SLAMF9: variants seen among roughly 807,000 people sequenced by gnomAD.
SLAMF9 encodes SLAM family member 9, also known as CD2 family member 10.
In SLAMF9, 25 loss-of-function variants were observed where a neutral mutation model predicts 30.4. The ratio of observed to expected loss-of-function variants is 0.82; its 90% CI spans 0.60 to 1.15. The LOEUF (loss-of-function observed/expected upper bound fraction) is 1.15. SLAMF9 is among the 50% of genes most tolerant of loss of function. The pLI, the probability that SLAMF9 is intolerant of heterozygous loss-of-function variation, is 0.00. For missense variants in SLAMF9, 344 were observed against 346.1 expected (o/e 0.99, Z 0.05); for synonymous variants, 129 against 127.2 (o/e 1.01, Z -0.09).
At chr1:159,974,634 G>T in the SLAMF9 span, among the ~76,000 whole-genome samples, 1 of 152,098 alleles carries the variant, frequency 6.6e-6, no homozygotes, top group African/African-American at 2.4e-5. Flanking sequence ...CCCCAGCAGG[G>T]GCTTCAGTTT....
At chr1:159,977,338 C>G in the SLAMF9 span, among the ~76,000 whole-genome samples, 1 of 152,176 alleles carries the variant, frequency 6.6e-6, no homozygotes, top group Non-Finnish European at 1.5e-5. Flanking sequence ...GAGTTGATAT[C>G]CTTGTAGTTA....
chr1:159,973,184 CA>C, the SLAMF9 span: 17 of 1,504,236 alleles, frequency 1.1e-5, no homozygotes, highest in Non-Finnish European at 1.6e-5. Context: ...AGGCTGACCT[CA>C]GGGGGTGCAG....
the SLAMF9 span, chr1:159,976,977 A>G: frequency 2.0e-4 from 9 of 43,918 alleles, no homozygotes; most frequent in South Asian, 8.4e-4. Flanking sequence ...AAAGAAGGAA[A>G]GAAGGAAAGA....
chr1:159,956,789 A>T (rs1651930530), upstream of SLAMF9, among the ~76,000 whole-genome samples: 1 of 152,166 alleles, frequency 6.6e-6, no homozygotes, highest in African/African-American at 2.4e-5. Flanking sequence ...CAGAAAGACA[A>T]ATACCACATA....
chr1:159,951,620 G>A lies in SLAMF9; in HGVS notation c.*41C>T, dbSNP rs758203661. On this transcript the variant is annotated 3_prime_UTR_variant, in exon 4 of 4. Coordinates refer to ENST00000368093, the MANE Select transcript of SLAMF9 (RefSeq NM_033438.4). Reference sequence around the variant, plus strand: ...GCTGAGGAAGGATTCTCTGGGTGCTGGGAAGAAACCAAGCTCAGGACTGGG... The same window carrying A: ...GCTGAGGAAGGATTCTCTGGGTGCTAGGAAGAAACCAAGCTCAGGACTGGG... The A allele has an allele frequency of 5.8e-5, 92 of 1,588,890 alleles. 2 individuals carry two copies. Among genetic ancestry groups the A allele is most frequent in the South Asian group, 5.3e-4 (48 of 90,122 alleles).
the SLAMF9 span, chr1:159,976,975 A>AAAGAAAG: frequency 2.3e-5 from 1 of 44,388 alleles, no homozygotes; most frequent in Admixed American, 3.2e-4. Flanking sequence ...AGAAAGAAGG[A>AAAGAAAG]AAGAAGGAAA....
chr1:159,951,587 A>G lies in SLAMF9; in HGVS notation c.*74T>C. The G allele has an allele frequency of 1.4e-6, 2 of 1,441,158 alleles. No individual in the cohort carries two copies. The highest frequency in any genetic ancestry group is 2.8e-5 in the African/African-American group (2 of 71,248). The allele number at this position is 1,441,158 out of a possible 1,614,324, so 89.3% of individuals were successfully genotyped here. A position where few individuals can be genotyped will look rare whatever the true frequency, so the allele number is the denominator to read the frequency against. ...CCCTGAGCACCTCCTTCCCCTGGAA[A>G]GAAGAGAGCTGAGGAAGGATTCTCT... On this transcript the variant is annotated 3_prime_UTR_variant, in exon 4 of 4. Transcript: ENST00000368093.
the SLAMF9 span, chr1:159,983,853 T>C: frequency 6.6e-6 from 1 of 152,144 alleles, no homozygotes. Flanking sequence ...GATCTTCAGC[T>C]CTCTCAGGGA....
At chr1:159,968,459 C>A in the SLAMF9 span, among the ~76,000 whole-genome samples, 64 of 152,152 alleles carry the variant, frequency 4.2e-4, no homozygotes, top group African/African-American at 1.5e-3. Flanking sequence ...AAATATTTTC[C>A]ATTATCACAT....
At chr1:159,970,060 A>G in the SLAMF9 span, among the ~76,000 whole-genome samples, 3 of 152,140 alleles carry the variant, frequency 2.0e-5, no homozygotes, top group Admixed American at 1.3e-4. Flanking sequence ...ACACTTCTCA[A>G]TAAATAAATA....
At chr1:159,977,690 T>C in the SLAMF9 span, among the ~76,000 whole-genome samples, 3,957 of 152,190 alleles carry the variant, frequency 0.026, 82 homozygotes, top group Non-Finnish European at 0.039. Context: ...CCCTGAGGCT[T>C]TCTCGCCTAG....
the SLAMF9 span, among the ~76,000 whole-genome samples, chr1:159,966,128 C>T: frequency 6.6e-6 from 1 of 152,296 alleles, no homozygotes; most frequent in African/African-American, 2.4e-5. Flanking sequence ...CCTCCTCTGC[C>T]CACTGCCTCT....
Position 159,953,420 on chromosome 1 carries a change from A to C in SLAMF9, c.280T>G (p.Ser94Ala). The C allele has an allele frequency of 6.2e-7, 1 of 1,614,216 alleles. No individual in the cohort carries two copies. Reference protein sequence around the residue: ...GQVSFLDPSYSLHISNLSWED... With the variant: ...GQVSFLDPSYALHISNLSWED... ...CAGCTCAGATTGCTGATATGCAGGG[A>C]ATAGCTGGGGTCCAGGAAGCTCACT... The change falls in exon 2 of 4, where the codon TCC becomes GCC. Residue 94 changes from serine to alanine, a missense_variant. Coordinates refer to ENST00000368093, the MANE Select transcript of SLAMF9 (RefSeq NM_033438.4).
Position 159,952,395 on chromosome 1 carries a change from AT to A in SLAMF9, c.530del (p.Tyr177LeufsTer72). The A allele has an allele frequency of 6.2e-7, 1 of 1,614,106 alleles. No individual in the cohort carries two copies. Among genetic ancestry groups the A allele is most frequent in the Non-Finnish European group, 8.5e-7 (1 of 1,180,010 alleles). The stretch of plus-strand genomic sequence containing the variant: ...TGAGGACAGGGCCTTCATGGAATGT[AT>A]AAGTGCTATCCCCCCGGGAGAGCCA... Reference protein sequence around the residue: ...YSWLSRGDSTYTFHEGPVLST... With the variant: ...YSWLSRGDSTXTFHEGPVLST... On this transcript the variant is annotated frameshift_variant, in exon 3 of 4. Coordinates refer to ENST00000368093, the MANE Select transcript of SLAMF9 (RefSeq NM_033438.4). LOFTEE classifies it high-confidence loss of function.
chr1:159,976,579 C>T, the SLAMF9 span: 61 of 152,242 alleles, frequency 4.0e-4, no homozygotes, highest in African/African-American at 1.3e-3. Flanking sequence ...ACTATATTCA[C>T]ATATATGTTT....
At position 159,953,525 on chromosome 1, in the gene SLAMF9, T is replaced by C; in HGVS notation, c.175A>G (p.Lys59Glu). Residue 59 changes from lysine to glutamate, a missense_variant, in exon 2 of 4, where the codon AAA becomes GAA. Coordinates refer to ENST00000368093, the MANE Select transcript of SLAMF9 (RefSeq NM_033438.4). ...EVENIIWSSH[K>E]SLATVVPGKE... is the part of the protein sequence containing the mutation. ...CCTGGCACCACAGTGGCAAGACTTT[T>C]GTGAGAGGACCAGATGATGTTCTCA... 3 of 1,614,202 alleles carry C rather than the reference T, an allele frequency of 1.9e-6. No individual in the cohort carries two copies. Among genetic ancestry groups the C allele is most frequent in the Non-Finnish European group, 2.5e-6 (3 of 1,180,026 alleles).
At chr1:159,976,912 AAAAG>A in the SLAMF9 span, 23 of 59,590 alleles carry the variant, frequency 3.9e-4, no homozygotes, top group African/African-American at 1.1e-3. Flanking sequence ...AGGAAAGAAA[AAAAG>A]AAAGAAAGAA....
the SLAMF9 span, among the ~76,000 whole-genome samples, chr1:159,981,010 C>T: frequency 6.6e-6 from 1 of 152,224 alleles, no homozygotes; most frequent in East Asian, 1.9e-4. Flanking sequence ...TGTGAGAGGG[C>T]AGTGGAGGCA....
chr1:159,966,700 T>C, the SLAMF9 span, among the ~76,000 whole-genome samples: 3 of 152,354 alleles, frequency 2.0e-5, no homozygotes, highest in East Asian at 5.8e-4. Context: ...TTAATTTGCA[T>C]TTACTTAGTG....
Sources: allele counts gnomAD v4.1 joint callset (sites outside exome capture counted in the v4.1 genomes callset), GRCh38; gene constraint gnomAD v4.1.1; transcripts MANE v1.5; gene names NCBI Gene and HGNC (gene_info 2026-07-23, HGNC 2026-07-21).